Variants in MCTP2 observed in about 807,000 individuals in gnomAD.
MCTP2 encodes the protein multiple C2 and transmembrane domain-containing protein 2.
A neutral mutation model predicts 111.6 loss-of-function variants in MCTP2; 132 were observed. The observed-to-expected ratio is 1.18, with a 90% CI of 1.03 to 1.37. MCTP2 has a LOEUF of 1.37. MCTP2 is among the 40% of genes most tolerant of loss of function. MCTP2 has a pLI of 0.00. For missense variants in MCTP2, 1,183 were observed against 1,067.9 expected (o/e 1.11, Z -1.50); for synonymous variants, 395 against 387.7 (o/e 1.02, Z -0.22).
rs185574824 is a variant in MCTP2 at position 94,454,764 on chromosome 15, T to C, written c.2251-3373T>C. Reference sequence around the variant, plus strand: ...ACTTTATTTTTCTACGAAAGCAACATATAAAAGGTCAAATGTTATGTATGA... The same window carrying C: ...ACTTTATTTTTCTACGAAAGCAACACATAAAAGGTCAAATGTTATGTATGA... On this transcript the variant is annotated intron_variant, in intron 19 of 22. Coordinates refer to ENST00000357742, the MANE Select transcript of MCTP2 (RefSeq NM_001385001.1). Among the ~76,000 whole-genome samples, 32 of 152,288 alleles carry C rather than the reference T, an allele frequency of 2.1e-4. No individual in the cohort carries two copies. In the East Asian group the frequency reaches 5.2e-3, roughly 25 times the overall value.
chr15:94,326,572 CT>C (rs11291831), intron 4 of MCTP2, among the ~76,000 whole-genome samples: 7,988 of 145,336 alleles, frequency 0.055, 640 homozygotes, highest in African/African-American at 0.18. Flanking sequence ...ATTATTGTTA[CT>C]TTTTTTTTTT....
chr15:94,339,527 T>C (rs1596402124), intron 5 of MCTP2, 95 bp downstream of exon 5: 1 of 972,356 alleles, frequency 1.0e-6, no homozygotes, highest in East Asian at 2.6e-5. Context: ...CAAAATTAAT[T>C]CTTTTATTAG....
Position 94,440,310 on chromosome 15 carries a change from T to C in MCTP2, c.2208+12T>C. The C allele has an allele frequency of 6.2e-7, 1 of 1,613,052 alleles. No homozygotes were observed. Among genetic ancestry groups the C allele is most frequent in the Non-Finnish European group, 8.5e-7 (1 of 1,179,628 alleles). ...TCCAGGACAGCCAGGTAAGCAAGGATTCGGAGTTCTGACATTTGACTGCCG... is the reference window on the plus strand; with the variant it reads ...TCCAGGACAGCCAGGTAAGCAAGGACTCGGAGTTCTGACATTTGACTGCCG... On this transcript the variant is annotated intron_variant, in intron 18 of 22. Coordinates refer to ENST00000357742, the MANE Select transcript of MCTP2 (RefSeq NM_001385001.1).
chr15:94,419,646 A>G (rs1389813010), intron 17 of MCTP2, among the ~76,000 whole-genome samples: 1 of 152,158 alleles, frequency 6.6e-6, no homozygotes, highest in East Asian at 1.9e-4. Flanking sequence ...TTTTCTGGTC[A>G]GTCTAAATAG....
chr15:94,303,135 A>ATATATAGTT (rs2075720806), intron 2 of MCTP2, among the ~76,000 whole-genome samples: 5 of 146,564 alleles, frequency 3.4e-5, no homozygotes, highest in South Asian at 2.1e-4. Flanking sequence ...TATAGTTTAT[A>ATATATAGTT]TATATATATA....
chr15:94,286,260 T>C (rs139750678), intron 1 of MCTP2, among the ~76,000 whole-genome samples: 2,384 of 152,308 alleles, frequency 0.016, 38 homozygotes, highest in South Asian at 0.032. Flanking sequence ...TGCAGAATAA[T>C]CTGTCTATAT....
chr15:94,357,052 GA>G (rs1026260181), intron 9 of MCTP2, among the ~76,000 whole-genome samples: 15 of 149,016 alleles, frequency 1.0e-4, no homozygotes, highest in East Asian at 2.0e-4. Flanking sequence ...AGCCACACAG[GA>G]AAAAAAAAAT....
intron 1 of MCTP2, among the ~76,000 whole-genome samples, chr15:94,295,508 A>G (rs2152330915): frequency 1.3e-5 from 2 of 152,116 alleles, no homozygotes; most frequent in South Asian, 4.2e-4. Flanking sequence ...TCTCTGGGCT[A>G]TGTTCAGGTA....
At chr15:94,399,690 A>G (rs902026300) in intron 15 of MCTP2, 2 of 430,182 alleles carry the variant, frequency 4.6e-6, no homozygotes, top group Non-Finnish European at 8.4e-6. Flanking sequence ...AGGAATGAGC[A>G]AAGTGGAGAC....
chr15:94,478,900 A>G, intron 22 of MCTP2, 66 bp from the exon 23 acceptor site: 4 of 1,441,010 alleles, frequency 2.8e-6, no homozygotes, highest in Non-Finnish European at 3.9e-6. Flanking sequence ...TTGGGGAGCC[A>G]TTAGCACACA....
At chr15:94,364,305 A>G (rs1034859318) in intron 10 of MCTP2, among the ~76,000 whole-genome samples, 1 of 152,138 alleles carries the variant, frequency 6.6e-6, no homozygotes, top group Non-Finnish European at 1.5e-5. Context: ...AAAATATTTA[A>G]TTATTAGCCC....
intron 2 of MCTP2, among the ~76,000 whole-genome samples, chr15:94,308,156 T>A (rs1458931655): frequency 1.3e-5 from 2 of 152,176 alleles, no homozygotes; most frequent in Admixed American, 1.3e-4. Context: ...TCTGAGTGAT[T>A]TAATTATTCT....
At chr15:94,331,214 T>C (rs1476706544) in intron 4 of MCTP2, among the ~76,000 whole-genome samples, 1 of 152,250 alleles carries the variant, frequency 6.6e-6, no homozygotes, top group Non-Finnish European at 1.5e-5. Flanking sequence ...ATGGGGACTT[T>C]TAAAAATAGC....
chr15:94,265,715 T>A (rs1179067728), intron 1 of MCTP2, among the ~76,000 whole-genome samples: 1 of 152,166 alleles, frequency 6.6e-6, no homozygotes, highest in Non-Finnish European at 1.5e-5. Flanking sequence ...GTATATTATA[T>A]AAATTATCTT....
chr15:94,301,589 G>A (rs1039913699), intron 2 of MCTP2, among the ~76,000 whole-genome samples: 5 of 152,188 alleles, frequency 3.3e-5, no homozygotes, highest in African/African-American at 1.2e-4. Context: ...AGCACATAAC[G>A]TATGCTCAGC....
chr15:94,325,118 T>C (rs1390974176), intron 4 of MCTP2, among the ~76,000 whole-genome samples: 2 of 151,936 alleles, frequency 1.3e-5, no homozygotes, highest in East Asian at 3.9e-4. Context: ...TGCTGAAGAG[T>C]GCTGGATGGT....
chr15:94,421,200 T>A (rs1367125207), intron 17 of MCTP2, among the ~76,000 whole-genome samples: 2 of 152,124 alleles, frequency 1.3e-5, no homozygotes, highest in African/African-American at 4.8e-5. Flanking sequence ...TACCATTGCA[T>A]ATGTTGCTGT....
At chr15:94,346,566 C>G (rs897917003) in intron 8 of MCTP2, among the ~76,000 whole-genome samples, 4 of 152,144 alleles carry the variant, frequency 2.6e-5, no homozygotes, top group Admixed American at 2.6e-4. Context: ...GGAAGCCTGA[C>G]AAAGCAGTAT....
chr15:94,308,624 TAATA>T (rs1264919088), intron 2 of MCTP2, among the ~76,000 whole-genome samples: 1 of 152,222 alleles, frequency 6.6e-6, no homozygotes, highest in Non-Finnish European at 1.5e-5. Flanking sequence ...TATCTCCTGT[TAATA>T]AACATGCAAA....
Sources: gnomAD v4.1 joint callset for allele counts (sites outside exome capture counted in the v4.1 genomes callset) on GRCh38, gnomAD v4.1.1 for gene constraint, MANE v1.5 for transcripts, NCBI Gene and HGNC (gene_info 2026-07-23, HGNC 2026-07-21) for gene names.